NCOA7: variants seen among roughly 807,000 people sequenced by gnomAD.
NCOA7 encodes nuclear receptor coactivator 7.
In NCOA7, 45 loss-of-function variants were observed where a neutral mutation model predicts 104.3. The observed-to-expected ratio is 0.43, with a 90% confidence interval of 0.34 to 0.55. The LOEUF is 0.55. Among genes scored for constraint, NCOA7 ranks in the 20% least tolerant of loss-of-function variants. The pLI is 0.02. For synonymous variants in NCOA7, 398 were observed against 402.3 expected (o/e 0.99, Z 0.13); for missense variants, 1,041 against 1,119.7 (o/e 0.93, Z 1.00).
chr6:125,796,161 A>G (rs186732964), intron 1 of NCOA7, among the ~76,000 whole-genome samples: 51 of 152,244 alleles, frequency 3.3e-4, no homozygotes, highest in Non-Finnish European at 4.1e-4. Flanking sequence ...AGGCTTCCAT[A>G]CTAGGAGTAA....
chr6:125,863,895 A>G lies in NCOA7; in HGVS notation c.271+8655A>G, dbSNP rs1395032723. ...GCCAAGATGACCTAACCACCCCTCA[A>G]TGGCTCCTTTTCCTAATACCACACA... On this transcript the variant is annotated intron_variant, in intron 3 of 15. Transcript: ENST00000392477. 2.9e-5 allele frequency among the ~76,000 whole-genome samples: 4 copies of G among 137,536 alleles called. 1 individual carries two copies. The highest frequency in any genetic ancestry group is 6.9e-5 in the Admixed American group (1 of 14,554). The allele number at this position is 137,536 out of a possible 152,430, so 90.2% of individuals were successfully genotyped here.
intron 10 of NCOA7, among the ~76,000 whole-genome samples, chr6:125,909,378 C>T (rs1715320438): frequency 6.6e-6 from 1 of 152,176 alleles, no homozygotes; most frequent in African/African-American, 2.4e-5. Flanking sequence ...CATTGGCACA[C>T]AGTGGGTGCC....
chr6:125,874,780 G>A, intron 3 of NCOA7, 109 bp from the exon 4 acceptor site: 1 of 728,552 alleles, frequency 1.4e-6, no homozygotes, highest in South Asian at 1.7e-5. Flanking sequence ...TTTCCTATTA[G>A]TGTCTTTTTG....
At chr6:125,854,955 T>G in intron 2 of NCOA7, 65 bp from the exon 3 acceptor site, 1 of 1,123,816 alleles carries the variant, frequency 8.9e-7, no homozygotes, top group Non-Finnish European at 1.3e-6. Flanking sequence ...CAGCGTGAAA[T>G]TAATATGATT....
chr6:125,801,115 G>A (rs1375679409), intron 1 of NCOA7, among the ~76,000 whole-genome samples: 1 of 152,200 alleles, frequency 6.6e-6, no homozygotes, highest in Non-Finnish European at 1.5e-5. Flanking sequence ...GTTTGTTAGT[G>A]TAAAATTGCT....
intron 10 of NCOA7, among the ~76,000 whole-genome samples, chr6:125,899,176 A>G (rs1228129780): frequency 6.6e-6 from 1 of 152,240 alleles, no homozygotes; most frequent in Non-Finnish European, 1.5e-5. Context: ...TACAATGGAA[A>G]GATGTTCAAA....
chr6:125,916,424 T>TCAGG (rs1327762227), intron 11 of NCOA7, among the ~76,000 whole-genome samples: 2 of 152,202 alleles, frequency 1.3e-5, no homozygotes, highest in Admixed American at 1.3e-4. Context: ...CTTCATCCAG[T>TCAGG]CAGGCAAGCA....
At chr6:125,810,093 G>A (rs776028481) in intron 1 of NCOA7, 1 of 152,254 alleles carries the variant, frequency 6.6e-6, no homozygotes, top group Non-Finnish European at 1.5e-5. Context: ...GGATGAGCTA[G>A]AAAAAGTAGT....
intron 3 of NCOA7, among the ~76,000 whole-genome samples, chr6:125,868,002 T>C (rs188016610): frequency 3.4e-4 from 52 of 152,312 alleles, no homozygotes; most frequent in Admixed American, 1.4e-3. Flanking sequence ...TATGAAGAAA[T>C]TCCTTTTCGT....
intron 10 of NCOA7, among the ~76,000 whole-genome samples, chr6:125,894,713 T>C (rs1254960766): frequency 6.6e-6 from 1 of 151,354 alleles, no homozygotes; most frequent in Non-Finnish European, 1.5e-5. Flanking sequence ...TGATTTGGAC[T>C]GTATTAACCG....
intron 3 of NCOA7, among the ~76,000 whole-genome samples, chr6:125,869,464 C>G (rs1782704549): frequency 6.6e-6 from 1 of 152,134 alleles, no homozygotes; most frequent in African/African-American, 2.4e-5. Context: ...CTAATGACCC[C>G]CTAAAGATGT....
chr6:125,796,030 A>G (rs1775291837), intron 1 of NCOA7, among the ~76,000 whole-genome samples: 2 of 152,002 alleles, frequency 1.3e-5, no homozygotes. Flanking sequence ...TCTGCTTGGA[A>G]CATGCTGTCC....
intron 2 of NCOA7, among the ~76,000 whole-genome samples, chr6:125,827,183 C>A (rs532679279): frequency 5.0e-5 from 5 of 99,828 alleles, no homozygotes; most frequent in Non-Finnish European, 7.9e-5. Flanking sequence ...AGTGAAACTC[C>A]ATCTCAAAAA....
At chr6:125,869,039 TTAA>T (rs889628824) in intron 3 of NCOA7, among the ~76,000 whole-genome samples, 66 of 152,242 alleles carry the variant, frequency 4.3e-4, no homozygotes, top group African/African-American at 1.6e-3. Context: ...CAGATACTTG[TTAA>T]TAACAGAAAA....
intron 10 of NCOA7, among the ~76,000 whole-genome samples, chr6:125,910,475 A>G (rs1282135362): frequency 6.6e-6 from 1 of 152,236 alleles, no homozygotes; most frequent in Non-Finnish European, 1.5e-5. Flanking sequence ...ACTAAGATTT[A>G]TAATTGTATC....
At chr6:125,834,371 G>A (rs994864558) in intron 2 of NCOA7, among the ~76,000 whole-genome samples, 1 of 152,146 alleles carries the variant, frequency 6.6e-6, no homozygotes, top group East Asian at 1.9e-4. Flanking sequence ...TTGTTCATCA[G>A]ATAATCCCCA....
chr6:125,836,662 C>T (rs1779629782), intron 2 of NCOA7, among the ~76,000 whole-genome samples: 2 of 152,104 alleles, frequency 1.3e-5, no homozygotes. Flanking sequence ...ATTATTCCAA[C>T]ATTACAAATG....
At chr6:125,840,661 A>T (rs1180658614) in intron 2 of NCOA7, among the ~76,000 whole-genome samples, 2 of 151,214 alleles carry the variant, frequency 1.3e-5, no homozygotes, top group Admixed American at 1.3e-4. Flanking sequence ...ACTACTCAGG[A>T]TGCCACCATG....
At chr6:125,799,073 C>T (rs1381928728) in intron 1 of NCOA7, among the ~76,000 whole-genome samples, 1 of 152,096 alleles carries the variant, frequency 6.6e-6, no homozygotes, top group Non-Finnish European at 1.5e-5. Flanking sequence ...TGGTGGCTTT[C>T]TCCTGGAAGT....
Sources: gnomAD v4.1 joint callset for allele counts (sites outside exome capture counted in the v4.1 genomes callset) on GRCh38, gnomAD v4.1.1 for gene constraint, MANE v1.5 for transcripts, NCBI Gene and HGNC (gene_info 2026-07-23, HGNC 2026-07-21) for gene names.